The following FAM227B variants were observed in gnomAD, a reference collection of about 807,000 sequenced individuals.
FAM227B encodes protein FAM227B.
A neutral mutation model predicts 73.8 loss-of-function variants in FAM227B; 88 were observed. That is an observed-to-expected ratio of 1.19 (90% CI 1.00 to 1.42). The LOEUF (loss-of-function observed/expected upper bound fraction) is 1.42, where lower values mean the gene tolerates loss of function less well. Among genes scored for constraint, FAM227B ranks in the 40% most tolerant of loss-of-function variants. The pLI is 0.00. For synonymous variants in FAM227B, 210 were observed against 190.5 expected (o/e 1.10, Z -0.84); for missense variants, 632 against 590.9 (o/e 1.07, Z -0.72).
chr15:49,339,148 T>C (rs1166683978), intron 13 of FAM227B, among the ~76,000 whole-genome samples: 3 of 152,192 alleles, frequency 2.0e-5, no homozygotes, highest in African/African-American at 7.2e-5. Flanking sequence ...GTCAAACTTA[T>C]TCTCTGTCCA....
chr15:49,481,763 C>T (rs1483273987), intron 11 of FAM227B, among the ~76,000 whole-genome samples: 1 of 152,038 alleles, frequency 6.6e-6, no homozygotes, highest in African/African-American at 2.4e-5. Flanking sequence ...GATTAATATC[C>T]ATTCATTTGC....
At chr15:49,440,610 A>G (rs1479054223) in intron 11 of FAM227B, among the ~76,000 whole-genome samples, 1 of 151,812 alleles carries the variant, frequency 6.6e-6, no homozygotes, top group African/African-American at 2.4e-5. Context: ...ATGGGAGAAT[A>G]AAAACTTCTC....
At chr15:49,360,516 T>G (rs2044027665) in intron 13 of FAM227B, among the ~76,000 whole-genome samples, 1 of 152,202 alleles carries the variant, frequency 6.6e-6, no homozygotes, top group South Asian at 2.1e-4. Context: ...TTTTGGGTAT[T>G]CTTTGGTTAG....
chr15:49,513,308 G>A (rs1473051164), intron 10 of FAM227B, among the ~76,000 whole-genome samples: 1 of 152,206 alleles, frequency 6.6e-6, no homozygotes, highest in Non-Finnish European at 1.5e-5. Flanking sequence ...TGACTGGTGT[G>A]AGATGGTATC....
At chr15:49,395,853 A>C (rs572177326) in intron 11 of FAM227B, 2 of 441,678 alleles carry the variant, frequency 4.5e-6, no homozygotes, top group Non-Finnish European at 9.0e-6. Context: ...CATTCAAAGG[A>C]TAGAATTGAA....
chr15:49,419,227 G>A (rs1490610118), intron 11 of FAM227B, among the ~76,000 whole-genome samples: 2 of 152,118 alleles, frequency 1.3e-5, no homozygotes, highest in Non-Finnish European at 2.9e-5. Flanking sequence ...GTGGTGCTGT[G>A]TACAGATAAA....
At chr15:49,337,936 G>A (rs1394524163) in intron 13 of FAM227B, among the ~76,000 whole-genome samples, 1 of 152,058 alleles carries the variant, frequency 6.6e-6, no homozygotes, top group Non-Finnish European at 1.5e-5. Flanking sequence ...CCAAGTCTTC[G>A]CTATTGTGAA....
chr15:49,585,928 A>G lies in FAM227B; in HGVS notation c.405+2088T>C, dbSNP rs12232277. ...CCATGCTCGTGAACAGGAAGAATCA[A>G]TATCGTTAAAATGACCATAACTTCC... On this transcript the variant is annotated intron_variant, in intron 5 of 15. Coordinates refer to ENST00000299338, the MANE Select transcript of FAM227B (RefSeq NM_152647.3). Among the ~76,000 whole-genome samples the G allele has an allele frequency of 2.1e-3, 313 of 152,354 alleles. 5 individuals carry two copies. In the East Asian group the frequency reaches 0.045, roughly 22 times the overall value.
At chr15:49,616,073 T>G (rs973380720) in intron 1 of FAM227B, among the ~76,000 whole-genome samples, 1 of 152,230 alleles carries the variant, frequency 6.6e-6, no homozygotes, top group Non-Finnish European at 1.5e-5. Context: ...TCCCTGAACC[T>G]GAACCTGAAA....
intron 11 of FAM227B, among the ~76,000 whole-genome samples, chr15:49,494,464 T>A (rs2057422279): frequency 6.6e-6 from 1 of 152,180 alleles, no homozygotes; most frequent in Admixed American, 6.5e-5. Context: ...ACGGACTTTA[T>A]TAGTGAAAAC....
At chr15:49,570,096 G>T (rs1261957921) in intron 8 of FAM227B, among the ~76,000 whole-genome samples, 4 of 151,970 alleles carry the variant, frequency 2.6e-5, no homozygotes, top group Non-Finnish European at 1.5e-5. Flanking sequence ...AATGAACGTG[G>T]AAATAGAGTT....
At chr15:49,600,726 A>C (rs1217974191) in intron 3 of FAM227B, among the ~76,000 whole-genome samples, 1 of 151,892 alleles carries the variant, frequency 6.6e-6, no homozygotes. Flanking sequence ...TTACATTTAA[A>C]GCAATTATTG....
At chr15:49,375,220 A>G (rs1037561327) in intron 11 of FAM227B, among the ~76,000 whole-genome samples, 3 of 152,218 alleles carry the variant, frequency 2.0e-5, no homozygotes, top group Non-Finnish European at 4.4e-5. Flanking sequence ...TATGAAGTGT[A>G]TACTTATGTA....
intron 9 of FAM227B, among the ~76,000 whole-genome samples, chr15:49,560,159 T>G (rs374906090): frequency 1.3e-5 from 2 of 151,952 alleles, no homozygotes; most frequent in South Asian, 2.1e-4. Flanking sequence ...ATGAAGGAAG[T>G]GCTAAACATC....
intron 13 of FAM227B, among the ~76,000 whole-genome samples, chr15:49,346,456 C>G (rs575550499): frequency 6.6e-6 from 1 of 152,166 alleles, no homozygotes; most frequent in Admixed American, 6.5e-5. Flanking sequence ...AAAAATATCC[C>G]TAAGCCTTAT....
intron 10 of FAM227B, among the ~76,000 whole-genome samples, chr15:49,522,970 AAAGCATACAGT>A (rs2059895511): frequency 6.6e-6 from 1 of 152,196 alleles, no homozygotes. Flanking sequence ...AAGCTTCACT[AAAGCATACAGT>A]AATCAGACTC....
chr15:49,582,626 C>T (rs756344321), intron 5 of FAM227B, among the ~76,000 whole-genome samples: 19 of 152,156 alleles, frequency 1.2e-4, no homozygotes, highest in Non-Finnish European at 1.2e-4. Context: ...CTGGGTCAAA[C>T]GGACCTGGCA....
At chr15:49,478,428 T>C (rs2055570907) in intron 11 of FAM227B, among the ~76,000 whole-genome samples, 1 of 152,134 alleles carries the variant, frequency 6.6e-6, no homozygotes, top group African/African-American at 2.4e-5. Context: ...CGGTGTATTT[T>C]AGTGATGTAA....
Position 49,367,534 on chromosome 15 carries a change from T to C in FAM227B, c.1185A>G (p.Leu395=), listed in dbSNP as rs778305075. Residue 395 remains leucine, a synonymous_variant, in exon 13 of 16, where the codon TTA becomes TTG. Transcript: ENST00000299338. ...FNFGGQSPLI[L]YYLKMHELAG... is the part of the protein sequence containing the mutation. ...CCAGCTCATGCATCTTAAGATAATA[T>C]AAAATCAATGGACTCTGACCTCCAA... is the stretch of plus-strand genomic sequence containing the variant. 4 of 1,607,810 alleles carry C rather than the reference T, an allele frequency of 2.5e-6. No individual in the cohort carries two copies. The highest frequency in any genetic ancestry group is 3.4e-6 in the Non-Finnish European group (4 of 1,178,596).
Sources: gnomAD v4.1 joint callset for allele counts (sites outside exome capture counted in the v4.1 genomes callset) on GRCh38, gnomAD v4.1.1 for gene constraint, MANE v1.5 for transcripts, NCBI Gene and HGNC (gene_info 2026-07-23, HGNC 2026-07-21) for gene names.